Variants in COL8A2 observed in about 807,000 individuals in gnomAD.
COL8A2 encodes collagen alpha-2(VIII) chain.
A neutral mutation model predicts 24.0 loss-of-function variants in COL8A2; 16 were observed. The ratio of observed to expected loss-of-function variants is 0.67; its 90% CI spans 0.45 to 1.01. The LOEUF (loss-of-function observed/expected upper bound fraction) is 1.01. Ranked by LOEUF, COL8A2 falls within the 50% of genes least tolerant of loss-of-function variation. The pLI is 0.00. For synonymous variants in COL8A2, 466 were observed against 424.5 expected (o/e 1.10, Z -1.20); for missense variants, 818 against 942.4 (o/e 0.87, Z 1.73).
Position 36,119,820 on chromosome 1 carries a change from C to T in COL8A2, c.-61-4068G>A, listed in dbSNP as rs113734110. Among the ~76,000 whole-genome samples the T allele has an allele frequency of 5.5e-3, 840 of 152,270 alleles. 9 individuals carry two copies. Among genetic ancestry groups the T allele is most frequent in the African/African-American group, 0.019 (805 of 41,548 alleles). On this transcript the variant is annotated intron_variant, in intron 1 of 3. Transcript: ENST00000397799. ...TTTCAGGAGATAACTGACCCCTCTACCCCGCAATCTAGGTTTCTCCTCACC... is the reference window on the plus strand; with the variant it reads ...TTTCAGGAGATAACTGACCCCTCTATCCCGCAATCTAGGTTTCTCCTCACC...
At chr1:36,118,431 T>G (rs888533857) in intron 1 of COL8A2, among the ~76,000 whole-genome samples, 3 of 152,194 alleles carry the variant, frequency 2.0e-5, no homozygotes, top group Non-Finnish European at 4.4e-5. Flanking sequence ...TACTATCAGG[T>G]GCCTCAGGAG....
chr1:36,105,064 G>A (rs1643739113), intron 2 of COL8A2, among the ~76,000 whole-genome samples: 1 of 152,138 alleles, frequency 6.6e-6, no homozygotes, highest in African/African-American at 2.4e-5. Flanking sequence ...GTGGGCGTCT[G>A]GGGATGTGTG....
chr1:36,097,807 T>C lies in COL8A2; in HGVS notation c.1874A>G (p.His625Arg). The change falls in exon 4 of 4, where the codon CAT becomes CGT. Residue 625 changes from histidine to arginine, a missense_variant. His to Arg is a conservative substitution (Grantham distance 29). Around this residue, in one of 3 missense-constraint regions of COL8A2, gnomAD observed 235 missense variants for 297.3 expected, o/e 0.79. Transcript: ENST00000397799. ...PVGGVYYFAYHVHVKGTNVWV... is the reference protein window; with the variant it reads ...PVGGVYYFAYRVHVKGTNVWV... ...CACGTTGGTGCCCTTGACGTGCACA[T>C]GGTAAGCAAAGTAGTAGACGCCGCC... 2 of 1,613,706 alleles carry C rather than the reference T, an allele frequency of 1.2e-6. No homozygotes were observed. Among genetic ancestry groups the C allele is most frequent in the Non-Finnish European group, 8.5e-7 (1 of 1,180,004 alleles).
intron 2 of COL8A2, among the ~76,000 whole-genome samples, chr1:36,100,987 G>A (rs183515109): frequency 4.8e-5 from 7 of 145,140 alleles, no homozygotes; most frequent in Admixed American, 4.5e-4. Flanking sequence ...TCTGCCTCCC[G>A]GGTTCAAGCG....
intron 2 of COL8A2, among the ~76,000 whole-genome samples, chr1:36,107,782 C>T (rs1348120312): frequency 6.6e-6 from 1 of 152,126 alleles, no homozygotes; most frequent in African/African-American, 2.4e-5. Flanking sequence ...CCACCTGCCT[C>T]CTTTTCACTG....
At position 36,098,399 on chromosome 1, in the gene COL8A2, C is replaced by A. The variant is rs867250639; in HGVS notation, c.1282G>T (p.Glu428Ter). Reference sequence around the variant, plus strand: ...CCAGGGCGACCCGTGAAACCCGGCTCACCCTTGGGCCCAGTTGGTCCAGGG... The same window carrying A: ...CCAGGGCGACCCGTGAAACCCGGCTAACCCTTGGGCCCAGTTGGTCCAGGG... ...GPPGPTGPKG[E>*]PGFTGRPGGP... Residue 428 changes from glutamate to a stop codon, truncating the protein, a stop_gained, in exon 4 of 4, where the codon GAG (glutamate) becomes TAG (stop). Coordinates refer to ENST00000397799, the MANE Select transcript of COL8A2 (RefSeq NM_005202.4). LOFTEE classifies it high-confidence loss of function. The A allele has an allele frequency of 6.3e-7, 1 of 1,577,610 alleles. No homozygotes were observed. Among genetic ancestry groups the A allele is most frequent in the South Asian group, 1.2e-5 (1 of 86,362 alleles).
intron 2 of COL8A2, among the ~76,000 whole-genome samples, chr1:36,106,242 C>T (rs547507936): frequency 9.1e-4 from 137 of 149,738 alleles, no homozygotes; most frequent in African/African-American, 3.3e-3. Context: ...CCAGCTTGGG[C>T]GACAGAGAGA....
In COL8A2 at chr1:36,099,249, C is replaced by CT. The variant is rs1250340007; in HGVS notation, c.431_432insA (p.Glu145GlyfsTer57). On this transcript the variant is annotated frameshift_variant, in exon 4 of 4. Coordinates refer to ENST00000397799, the MANE Select transcript of COL8A2 (RefSeq NM_005202.4). LOFTEE classifies it low-confidence loss of function (END_TRUNC). ...CCTGGTCCCCTCGTATTCCTGGCTC[C>CT]CCCCGAAGCCCCGGCTGCCCTGGTG... 2 of 1,547,916 alleles carry CT rather than the reference C, an allele frequency of 1.3e-6. No homozygotes were observed. Among genetic ancestry groups the CT allele is most frequent in the Non-Finnish European group, 1.7e-6 (2 of 1,146,068 alleles).
chr1:36,118,342 A>G (rs1357017455), intron 1 of COL8A2, among the ~76,000 whole-genome samples: 1 of 151,982 alleles, frequency 6.6e-6, no homozygotes, highest in Non-Finnish European at 1.5e-5. Flanking sequence ...CCTGCCCCCT[A>G]CTCCTGCTCT....
intron 1 of COL8A2, among the ~76,000 whole-genome samples, chr1:36,122,773 C>T (rs1376416733): frequency 6.6e-6 from 1 of 152,138 alleles, no homozygotes; most frequent in Non-Finnish European, 1.5e-5. Context: ...CCCAGAGCAG[C>T]CAGAGTGATT....
chr1:36,122,433 C>T (rs1295425913), intron 1 of COL8A2, among the ~76,000 whole-genome samples: 1 of 152,160 alleles, frequency 6.6e-6, no homozygotes, highest in Non-Finnish European at 1.5e-5. Context: ...ATGACTGGTA[C>T]TTGGGCACAT....
Position 36,099,192 on chromosome 1 carries a change from G to A in COL8A2, c.489C>T (p.Leu163=), listed in dbSNP as rs1382370179. 1 of 1,513,234 alleles carries A rather than the reference G, an allele frequency of 6.6e-7. No homozygotes were observed. Among genetic ancestry groups the A allele is most frequent in the Admixed American group, 2.3e-5 (1 of 43,874 alleles). The allele number at this position is 1,513,234 out of a possible 1,614,324, so 93.7% of individuals were successfully genotyped here. The change falls in exon 4 of 4, where the codon CTC becomes CTT. Residue 163 remains leucine, a synonymous_variant. Transcript: ENST00000397799. Reference sequence around the variant, plus strand: ...GGATAGTAATGCCTGAGGGGCCCGGGAGGCCAGGGGGTCCTGGGGGTCCCC... The same window carrying A: ...GGATAGTAATGCCTGAGGGGCCCGGAAGGCCAGGGGGTCCTGGGGGTCCCC... The part of the protein sequence containing the change: ...GLRGPPGPPG[L]PGPSGITIPG...
In COL8A2 at chr1:36,098,527, C is replaced by T. The variant is rs1643615372; in HGVS notation, c.1154G>A (p.Gly385Glu). Residue 385 changes from glycine (G) to glutamate (E), a missense_variant, in exon 4 of 4, where the codon GGA becomes GAA. By Grantham distance (98) the Gly-to-Glu change is moderately conservative (BLOSUM62 -2). Around this residue, in one of 3 missense-constraint regions of COL8A2, gnomAD observed 573 missense variants for 616.8 expected, o/e 0.93. Transcript: ENST00000397799. ...TCGAATGCCAGGCACTCCTGGGGGT[C>T]CTCCAGGCCCTGCCTCACCCTTAGG... Reference protein sequence around the residue: ...PGPKGEAGPGGPPGVPGIRGD... With the variant: ...PGPKGEAGPGEPPGVPGIRGD... The T allele has an allele frequency of 6.3e-7, 1 of 1,595,446 alleles. No homozygotes were observed. Among genetic ancestry groups the T allele is most frequent in the South Asian group, 1.1e-5 (1 of 88,450 alleles).
At chr1:36,102,671 G>GTTTTTTTTTTTT (rs71053904) in intron 2 of COL8A2, among the ~76,000 whole-genome samples, 1 of 122,376 alleles carries the variant, frequency 8.2e-6, no homozygotes, top group African/African-American at 3.2e-5. Context: ...CTGGTTTTTT[G>GTTTTTTTTTTTT]TTTTTTTTTT....
rs569436290 is a variant in COL8A2 at position 36,108,515 on chromosome 1, G to A, written c.-17+7193C>T. ...AGGAGACGCTGATTCAGAGGACGGC[G>A]CAGTGGCGGCCTCGGGTAGATGCAG... On this transcript the variant is annotated intron_variant, in intron 2 of 3. Transcript: ENST00000397799. Among the ~76,000 whole-genome samples the A allele has an allele frequency of 3.2e-4, 49 of 152,364 alleles. No individual in the cohort carries two copies. The South Asian group carries it at 4.1e-3, about 13-fold the overall frequency.
At position 36,123,734 on chromosome 1, in the gene COL8A2, A is replaced by G. The variant is rs1005177564; in HGVS notation, c.-62+1323T>C. Among the ~76,000 whole-genome samples, 4 of 152,144 alleles carry G rather than the reference A, an allele frequency of 2.6e-5. No individual in the cohort carries two copies. Among genetic ancestry groups the G allele is most frequent in the African/African-American group, 7.2e-5 (3 of 41,426 alleles). ...TGTTTGGGTCGGTGTGTGACTGTGC[A>G]TGGCTCTCAGAAGGGTGCAAGGCTG... is the stretch of plus-strand genomic sequence containing the variant. On this transcript the variant is annotated intron_variant, in intron 1 of 3. Transcript: ENST00000397799. The surrounding 1 kb of genome is among the most constrained non-coding windows in gnomAD (Gnocchi z 4.1).
At chr1:36,120,945 C>T (rs1254588421) in intron 1 of COL8A2, among the ~76,000 whole-genome samples, 23 of 150,834 alleles carry the variant, frequency 1.5e-4, no homozygotes, top group African/African-American at 3.9e-4. Flanking sequence ...AAAAATTAGC[C>T]GGGCCTGGTG....
At chr1:36,124,440 C>T (rs1308528812) in intron 1 of COL8A2, among the ~76,000 whole-genome samples, 3 of 151,866 alleles carry the variant, frequency 2.0e-5, no homozygotes, top group East Asian at 3.9e-4. Context: ...CGGCCCCTCA[C>T]CCCCTGCAAG....
chr1:36,103,588 C>CT (rs757427235), intron 2 of COL8A2, among the ~76,000 whole-genome samples: 11 of 150,786 alleles, frequency 7.3e-5, no homozygotes, highest in Middle Eastern at 3.5e-3. Context: ...TTTTTGTTTT[C>CT]TTTTTTTTGA....
Sources: allele counts gnomAD v4.1 joint callset (sites outside exome capture counted in the v4.1 genomes callset), GRCh38; gene constraint gnomAD v4.1.1; regional missense constraint gnomAD v4.1.1; non-coding constraint Gnocchi (gnomAD v3.1); transcripts MANE v1.5; gene names NCBI Gene and HGNC (gene_info 2026-07-23, HGNC 2026-07-21).